Variants in C1orf116 observed in about 807,000 individuals in gnomAD.
C1orf116 encodes chromosome 1 open reading frame 116.
In C1orf116, 12 loss-of-function variants were observed where a neutral mutation model predicts 14.1. The ratio of observed to expected loss-of-function variants is 0.85; its 90% CI spans 0.54 to 1.38. The LOEUF (loss-of-function observed/expected upper bound fraction) is 1.38, where lower values mean the gene tolerates loss of function less well. C1orf116 is among the 40% of genes most tolerant of loss of function. The pLI, the probability that C1orf116 is intolerant of heterozygous loss-of-function variation, is 0.00. For synonymous variants in C1orf116, 296 were observed against 299.0 expected (o/e 0.99, Z 0.10); for missense variants, 797 against 747.0 (o/e 1.07, Z -0.78).
chr1:207,025,209 A>T (rs1025761606), intron 2 of C1orf116, 145 bp from the exon 3 acceptor site: 1 of 638,170 alleles, frequency 1.6e-6, no homozygotes, highest in Middle Eastern at 4.3e-4. Context: ...AGAGGAAGGA[A>T]TGCTGAAGAG....
In C1orf116 at chr1:207,024,891, G is replaced by A. The variant is rs2102300642; in HGVS notation, c.279C>T (p.Pro93=). ...FRALPITQPT[P]RGGPEETITQ... is the part of the protein sequence containing the mutation. ...ACCCCAGAGGGTCTGCCTTACCCCG[G>A]GGAGTGGGTTGGGTTATGGGCAGTG... The change falls in exon 3 of 4, where the codon CCC becomes CCT. Residue 93 remains proline (P), a synonymous_variant. Transcript: ENST00000359470. 6.2e-7 allele frequency: 1 copy of A among 1,611,160 alleles called. No individual in the cohort carries two copies. Among genetic ancestry groups the A allele is most frequent in the Admixed American group, 1.7e-5 (1 of 59,964 alleles).
rs984820039 is a variant in C1orf116, at chr1:207,022,114, C to G, written c.1650G>C (p.Leu550=). 6.2e-7 allele frequency: 1 copy of G among 1,612,676 alleles called. No homozygotes were observed. The highest frequency in any genetic ancestry group is 8.5e-7 in the Non-Finnish European group (1 of 1,178,946). The change falls in exon 4 of 4, where the codon CTG becomes CTC. Residue 550 remains leucine (L), a synonymous_variant. Transcript: ENST00000359470. ...GGCGCTTGGAGCTCTGCTCCTGCTC[C>G]AGGTCAGCCAGCTTGCCTACCTGGA... The part of the protein sequence containing the change: ...AGIQVGKLAD[L]EQEQSSKRLS...
rs930809922 is a variant in C1orf116 at position 207,021,635 on chromosome 1, C to T, written c.*323G>A. ...TCAGCTCTCACTAGGCTGGACTCTA[C>T]CCAATGTAAGAAAACATCTAACAAG... On this transcript the variant is annotated 3_prime_UTR_variant, in exon 4 of 4. Coordinates refer to ENST00000359470, the MANE Select transcript of C1orf116 (RefSeq NM_023938.6). The T allele has an allele frequency of 1.5e-5, 3 of 201,118 alleles. No individual in the cohort carries two copies. The highest frequency in any genetic ancestry group is 6.9e-5 in the African/African-American group (3 of 43,378). 12.5% of individuals were successfully genotyped at this position (201,118 alleles called of 1,614,324 possible).
At chr1:207,024,351 G>A (rs1262286702) in intron 3 of C1orf116, among the ~76,000 whole-genome samples, 2 of 152,230 alleles carry the variant, frequency 1.3e-5, no homozygotes, top group Admixed American at 1.3e-4. Context: ...GGGACATGTG[G>A]CCCCACAGTC....
At chr1:207,024,841 A>AT in intron 3 of C1orf116, 46 bp downstream of exon 3, 1 of 1,591,536 alleles carries the variant, frequency 6.3e-7, no homozygotes, top group Non-Finnish European at 8.6e-7. Context: ...GGACATATTG[A>AT]TTTTCTGGGT....
rs1681802924 is a variant in C1orf116 at position 207,020,402 on chromosome 1, C to T, written c.*1556G>A. On this transcript the variant is annotated 3_prime_UTR_variant, in exon 4 of 4. Transcript: ENST00000359470. ...CTCAGCAGCCTTAAAAGGCACCTTT[C>T]CAGCAACATTCCCTTCATCTGCCCC... 1.3e-5 allele frequency: 2 copies of T among 152,214 alleles called. No homozygotes were observed. The highest frequency in any genetic ancestry group is 2.9e-5 in the Non-Finnish European group (2 of 68,062). The allele number at this position is 152,214 out of a possible 1,614,324, so 9.4% of individuals were successfully genotyped here. A position where few individuals can be genotyped will look rare whatever the true frequency, so the allele number is the denominator to read the frequency against.
At position 207,026,604 on chromosome 1, in the gene C1orf116, G is replaced by C. The variant is rs561937772; in HGVS notation, c.105+890C>G. Among the ~76,000 whole-genome samples, 97 of 152,238 alleles carry C rather than the reference G, an allele frequency of 6.4e-4. 1 individual carries two copies. Among genetic ancestry groups the C allele is most frequent in the African/African-American group, 1.5e-3 (62 of 41,518 alleles). On this transcript the variant is annotated intron_variant, in intron 2 of 3. Transcript: ENST00000359470. ...CTATTTTTACATATCAAAATCCACT[G>C]GTTGTCTTAAACATCTTGACATTCA... is the stretch of plus-strand genomic sequence containing the variant.
intron 1 of C1orf116, among the ~76,000 whole-genome samples, chr1:207,029,283 G>T (rs776358049): frequency 2.6e-5 from 4 of 152,114 alleles, no homozygotes; most frequent in Non-Finnish European, 5.9e-5. Context: ...ATAAGGAGGG[G>T]ACTGGAGGGG....
At position 207,019,338 on chromosome 1, in the gene C1orf116, C is replaced by T. The variant is rs930790539; in HGVS notation, c.*2620G>A. On this transcript the variant is annotated 3_prime_UTR_variant, in exon 4 of 4. Coordinates refer to ENST00000359470, the MANE Select transcript of C1orf116 (RefSeq NM_023938.6). ...GCAGGTGGCTTGTGCCCAGTGGCATCAAGGCTATGGCAGGGTATAGCAGAG... is the reference window on the plus strand; with the variant it reads ...GCAGGTGGCTTGTGCCCAGTGGCATTAAGGCTATGGCAGGGTATAGCAGAG... 1 of 152,246 alleles carries T rather than the reference C, an allele frequency of 6.6e-6. No individual in the cohort carries two copies. The allele number at this position is 152,246 out of a possible 1,614,324, so 9.4% of individuals were successfully genotyped here.
In C1orf116 at chr1:207,022,969, A is replaced by C; in HGVS notation, c.795T>G (p.Pro265=). Residue 265 remains proline (P), a synonymous_variant, in exon 4 of 4, where the codon CCT becomes CCG. Transcript: ENST00000359470. The part of the protein sequence containing the change: ...VSTRYTQPQP[P]PAGLPQNARA... The stretch of plus-strand genomic sequence containing the variant: ...TTGCATTCTGAGGCAACCCTGCAGG[A>C]GGAGGCTGGGGTTGTGTGTACCTGG... 6.2e-7 allele frequency: 1 copy of C among 1,614,034 alleles called. No individual in the cohort carries two copies. Among genetic ancestry groups the C allele is most frequent in the African/African-American group, 1.3e-5 (1 of 74,996 alleles).
chr1:207,022,477 A>T lies in C1orf116; in HGVS notation c.1287T>A (p.Ser429=). 6.2e-7 allele frequency: 1 copy of T among 1,614,144 alleles called. No homozygotes were observed. The highest frequency in any genetic ancestry group is 1.7e-4 in the Middle Eastern group (1 of 6,060). The stretch of plus-strand genomic sequence containing the variant: ...TAGCTGCAACATTGCCTGGAGCTGG[A>T]GACTTCATTGGCAAAGGTCCCTGAG... ...GPAQGPLPMK[S]PAPGNVAASK... Residue 429 remains serine, a synonymous_variant, in exon 4 of 4, where the codon TCT becomes TCA. Coordinates refer to ENST00000359470, the MANE Select transcript of C1orf116 (RefSeq NM_023938.6).
At chr1:207,024,665 T>C (rs1158872779) in intron 3 of C1orf116, among the ~76,000 whole-genome samples, 3 of 152,210 alleles carry the variant, frequency 2.0e-5, no homozygotes, top group Non-Finnish European at 4.4e-5. Flanking sequence ...TCTAGAGCTC[T>C]GATACTTCAT....
In C1orf116 at chr1:207,026,412, C is replaced by G. The variant is rs146389890; in HGVS notation, c.105+1082G>C. ...TTCATGAATGATTCACTTTGAAAACCTTTAATCCCTGTCACATTCTGTGTC... is the reference window on the plus strand; with the variant it reads ...TTCATGAATGATTCACTTTGAAAACGTTTAATCCCTGTCACATTCTGTGTC... On this transcript the variant is annotated intron_variant, in intron 2 of 3. Transcript: ENST00000359470. Among the ~76,000 whole-genome samples, 202 of 152,330 alleles carry G rather than the reference C, an allele frequency of 1.3e-3. 1 individual carries two copies. The highest frequency in any genetic ancestry group is 4.6e-3 in the African/African-American group (193 of 41,564).
intron 1 of C1orf116, among the ~76,000 whole-genome samples, chr1:207,030,160 C>T (rs1048920587): frequency 2.6e-5 from 4 of 152,190 alleles, no homozygotes; most frequent in Admixed American, 6.5e-5. Context: ...TATGCTAATT[C>T]GATCTTCAGC....
intron 1 of C1orf116, among the ~76,000 whole-genome samples, chr1:207,030,659 T>C (rs1188365612): frequency 1.3e-5 from 2 of 152,180 alleles, no homozygotes; most frequent in East Asian, 3.8e-4. Context: ...GAAAGCTGCA[T>C]TTCCTTTCAC....
At chr1:207,031,418 G>T (rs1240969863) in intron 1 of C1orf116, among the ~76,000 whole-genome samples, 2 of 152,132 alleles carry the variant, frequency 1.3e-5, no homozygotes, top group South Asian at 2.1e-4. Context: ...GTGAGTGTGG[G>T]GTGTTGGCTC....
At chr1:207,028,991 T>C (rs1682165665) in intron 1 of C1orf116, among the ~76,000 whole-genome samples, 1 of 152,224 alleles carries the variant, frequency 6.6e-6, no homozygotes, top group Non-Finnish European at 1.5e-5. Context: ...CGTGATCTAT[T>C]TGAGATCTGG....
intron 2 of C1orf116, among the ~76,000 whole-genome samples, chr1:207,026,570 T>A (rs542151275): frequency 1.3e-5 from 2 of 152,386 alleles, no homozygotes; most frequent in East Asian, 3.9e-4. Context: ...GTGTGTTTCT[T>A]TCTCTACTCT....
At chr1:207,025,583 A>G (rs975651845) in intron 2 of C1orf116, among the ~76,000 whole-genome samples, 2 of 152,182 alleles carry the variant, frequency 1.3e-5, no homozygotes, top group Admixed American at 1.3e-4. Flanking sequence ...CAAGGGCAGT[A>G]TGAGGAAAAG....
Sources: allele counts gnomAD v4.1 joint callset (sites outside exome capture counted in the v4.1 genomes callset), GRCh38; gene constraint gnomAD v4.1.1; transcripts MANE v1.5; gene names NCBI Gene and HGNC (gene_info 2026-07-23, HGNC 2026-07-21).